Variants in BRD7 observed in about 807,000 individuals in gnomAD.
BRD7 encodes bromodomain-containing protein 7.
In BRD7, 15 loss-of-function variants were observed where a neutral mutation model predicts 82.1. The ratio of observed to expected loss-of-function variants is 0.18; its 90% CI spans 0.12 to 0.28. The LOEUF (loss-of-function observed/expected upper bound fraction) is 0.28. Ranked by LOEUF, BRD7 falls within the 10% of genes least tolerant of loss-of-function variation. The probability of loss-of-function intolerance (pLI) is 1.00; values close to 1 mark genes in which losing one functional copy is unlikely to be tolerated. For synonymous variants in BRD7, 232 were observed against 266.9 expected, an observed-to-expected ratio of 0.87 and a Z score of 1.27; for missense variants, 638 against 779.9, an observed-to-expected ratio of 0.82 and a Z score of 2.17.
At chr16:50,365,284 G>C (rs376511458) in intron 2 of BRD7, among the ~76,000 whole-genome samples, 3 of 152,300 alleles carry the variant, frequency 2.0e-5, no homozygotes, top group East Asian at 3.9e-4. Flanking sequence ...TAGGAGAGGA[G>C]GATTTTTCTC....
intron 7 of BRD7, among the ~76,000 whole-genome samples, chr16:50,334,199 C>T (rs1289758772): frequency 2.6e-5 from 4 of 152,174 alleles, no homozygotes; most frequent in Non-Finnish European, 4.4e-5. Flanking sequence ...GTAGTGTGAA[C>T]GGGCAGATGC....
At chr16:50,336,507 A>C (rs1320222605) in intron 6 of BRD7, among the ~76,000 whole-genome samples, 3 of 152,226 alleles carry the variant, frequency 2.0e-5, no homozygotes, top group African/African-American at 7.2e-5. Flanking sequence ...GGTTGCAGTG[A>C]GCCGAGATTG....
chr16:50,354,937 G>A lies in BRD7; in HGVS notation c.259-15C>T, dbSNP rs762477223. On this transcript the variant is annotated splice_polypyrimidine_tract_variant and intron_variant, in intron 2 of 16. Coordinates refer to ENST00000394688, the MANE Select transcript of BRD7 (RefSeq NM_013263.5). ...TTTTTATCCTCCTAAATGGAACAAA[G>A]GGAGATAATTTAGAAATATTTCAGA... The A allele has an allele frequency of 6.8e-6, 11 of 1,608,314 alleles. No homozygotes were observed. The highest frequency in any genetic ancestry group is 9.3e-6 in the Non-Finnish European group (11 of 1,178,236).
At chr16:50,350,861 G>A (rs986979280) in intron 4 of BRD7, among the ~76,000 whole-genome samples, 3 of 152,192 alleles carry the variant, frequency 2.0e-5, no homozygotes, top group Non-Finnish European at 2.9e-5. Flanking sequence ...GAAGCGGGAG[G>A]AAGACTCAGC....
chr16:50,368,160 C>G lies in BRD7; in HGVS notation c.188G>C (p.Arg63Pro), dbSNP rs1360483324. 3 of 1,614,048 alleles carry G rather than the reference C, an allele frequency of 1.9e-6. No individual in the cohort carries two copies. The highest frequency in any genetic ancestry group is 1.1e-5 in the South Asian group (1 of 91,076). ...NDHDKHKDRK[R>P]KKRKKGEKQI... ...CTTCTCTCCTTTCTTTCTCTTTTTC[C>G]GCTTTCTGTCCTTGTGTTTGTCATG... The change falls in exon 2 of 17, where the codon CGG (arginine) becomes CCG (proline). Residue 63 changes from arginine (R) to proline (P), a missense_variant. Physicochemically the swap from Arg to Pro is moderately radical, Grantham distance 103 (BLOSUM62 -2). Around this residue, in one of 3 missense-constraint regions of BRD7, gnomAD observed 172 missense variants for 155.3 expected, o/e 1.11. Transcript: ENST00000394688.
chr16:50,334,754 C>G lies in BRD7; in HGVS notation c.844G>C (p.Ala282Pro), dbSNP rs1022332128. The G allele has an allele frequency of 2.5e-6, 4 of 1,613,856 alleles. No individual in the cohort carries two copies. The highest frequency in any genetic ancestry group is 3.4e-6 in the Non-Finnish European group (4 of 1,179,892). ...GGACTCTTGAAGGCGTGTGCTTCGG[C>G]ATCTCCAGAGTCCTCTCTCTCTCTC... Reference protein sequence around the residue: ...WQREREDSGDAEAHAFKSPSK... With the variant: ...WQREREDSGDPEAHAFKSPSK... Residue 282 changes from alanine to proline, a missense_variant, in exon 7 of 17, where the codon GCC becomes CCC. By Grantham distance (27) the Ala-to-Pro change is conservative. This residue lies in a region of BRD7 where 402 missense variants were observed against 500.8 expected (regional missense o/e 0.80). Coordinates refer to ENST00000394688, the MANE Select transcript of BRD7 (RefSeq NM_013263.5).
intron 6 of BRD7, among the ~76,000 whole-genome samples, chr16:50,337,847 A>G (rs2037877547): frequency 6.6e-6 from 1 of 151,432 alleles, no homozygotes; most frequent in Non-Finnish European, 1.5e-5. Context: ...ATAACACAGG[A>G]TGGGTGGGGC....
At chr16:50,354,332 A>T in intron 4 of BRD7, 93 bp downstream of exon 4, 1 of 1,043,306 alleles carries the variant, frequency 9.6e-7, no homozygotes, top group Non-Finnish European at 1.4e-6. Context: ...CTTTAAAATC[A>T]CGTATGTTTG....
intron 2 of BRD7, among the ~76,000 whole-genome samples, chr16:50,359,656 G>T: frequency 6.6e-6 from 1 of 152,074 alleles, no homozygotes; most frequent in East Asian, 1.9e-4. Context: ...ACAACTAATT[G>T]ATCACAACGA....
At chr16:50,323,443 G>A (rs925878586) in intron 12 of BRD7, 144 bp downstream of exon 12, 3 of 637,898 alleles carry the variant, frequency 4.7e-6, no homozygotes, top group Admixed American at 2.8e-5. Flanking sequence ...TTGTCCACCC[G>A]TGGCCTCCAG....
In BRD7 at chr16:50,363,641, T is replaced by TTGTA. The variant is rs1491153781; in HGVS notation, c.258+4448_258+4449insTACA. ...AATTGTAAGGCTTTACGTTGTGTGT[T>TTGTA]TGTGTGTGTGTGTGTGTGTGCGCGC... On this transcript the variant is annotated intron_variant, in intron 2 of 16. Coordinates refer to ENST00000394688, the MANE Select transcript of BRD7 (RefSeq NM_013263.5). Among the ~76,000 whole-genome samples the TTGTA allele has an allele frequency of 5.3e-3, 795 of 149,164 alleles. 7 individuals carry two copies. The highest frequency in any genetic ancestry group is 0.028 in the East Asian group (142 of 4,990).
chr16:50,363,897 G>C lies in BRD7; in HGVS notation c.258+4193C>G, dbSNP rs144287000. 1.4e-4 allele frequency among the ~76,000 whole-genome samples: 21 copies of C among 152,072 alleles called. No homozygotes were observed. In the East Asian group the frequency reaches 3.9e-3, roughly 28 times the overall value. On this transcript the variant is annotated intron_variant, in intron 2 of 16. Transcript: ENST00000394688. Reference sequence around the variant, plus strand: ...ATAGCAAGACCCCATCTTTACAAAAGAATGTTTTTGAAAAAATTAGCTGGG... The same window carrying C: ...ATAGCAAGACCCCATCTTTACAAAACAATGTTTTTGAAAAAATTAGCTGGG...
Position 50,368,193 on chromosome 16 carries a change from T to C in BRD7, c.155A>G (p.Lys52Arg), listed in dbSNP as rs776617586. 5 of 1,614,094 alleles carry C rather than the reference T, an allele frequency of 3.1e-6. No individual in the cohort carries two copies. Among genetic ancestry groups the C allele is most frequent in the South Asian group, 2.2e-5 (2 of 91,084 alleles). ...SGHDSSLFED[K>R]NDHDKHKDRK... ...GTCCTTGTGTTTGTCATGATCGTTT[T>C]TGTCTTCGAAGAGGCTGGAGTCGTG... The change falls in exon 2 of 17, where the codon AAA (lysine) becomes AGA (arginine). Residue 52 changes from lysine to arginine, a missense_variant. This residue lies in a region of BRD7 where 172 missense variants were observed against 155.3 expected (regional missense o/e 1.11). Transcript: ENST00000394688.
intron 12 of BRD7, 80 bp downstream of exon 12, chr16:50,323,507 C>T (rs2037206402): frequency 3.4e-6 from 4 of 1,191,266 alleles, no homozygotes; most frequent in Non-Finnish European, 4.9e-6. Flanking sequence ...ACTTGTTAAT[C>T]CCATGGTTTC....
intron 8 of BRD7, among the ~76,000 whole-genome samples, chr16:50,331,458 T>C (rs957109556): frequency 6.6e-6 from 1 of 152,216 alleles, no homozygotes; most frequent in African/African-American, 2.4e-5. Context: ...TCCTAGCACT[T>C]TGGGAGGCTG....
At chr16:50,332,569 A>C (rs551849095) in intron 8 of BRD7, among the ~76,000 whole-genome samples, 20 of 152,346 alleles carry the variant, frequency 1.3e-4, no homozygotes, top group African/African-American at 4.6e-4. Flanking sequence ...GCTCCTGTGG[A>C]AAGCAGTTTG....
At chr16:50,366,523 C>G (rs1212856569) in intron 2 of BRD7, among the ~76,000 whole-genome samples, 1 of 152,232 alleles carries the variant, frequency 6.6e-6, no homozygotes, top group Non-Finnish European at 1.5e-5. Flanking sequence ...GCATACTATA[C>G]TTGTCTACAA....
intron 1 of BRD7, 58 bp downstream of exon 1, chr16:50,368,668 G>A (rs2039252290): frequency 4.6e-6 from 7 of 1,525,440 alleles, no homozygotes; most frequent in East Asian, 2.8e-5. Context: ...CTGGGAAAGA[G>A]CGGAAGCCCG....
chr16:50,329,893 G>C (rs949595829), intron 8 of BRD7, among the ~76,000 whole-genome samples: 2 of 152,220 alleles, frequency 1.3e-5, no homozygotes, highest in Non-Finnish European at 2.9e-5. Context: ...TATGTCTACT[G>C]TTTTAACGCC....
Sources: gnomAD v4.1 joint callset for allele counts (sites outside exome capture counted in the v4.1 genomes callset) on GRCh38, gnomAD v4.1.1 for gene constraint, gnomAD v4.1.1 regional missense constraint, MANE v1.5 for transcripts, NCBI Gene and HGNC (gene_info 2026-07-23, HGNC 2026-07-21) for gene names.